ITIH2: variants seen among roughly 807,000 people sequenced by gnomAD.
The protein encoded by ITIH2 is inter-alpha-trypsin inhibitor heavy chain H2.
A neutral mutation model predicts 104.4 loss-of-function variants in ITIH2; 103 were observed. That is an observed-to-expected ratio of 0.99 (90% CI 0.84 to 1.16). The LOEUF is 1.16. Among genes scored for constraint, ITIH2 ranks in the 50% most tolerant of loss-of-function variants. The probability of loss-of-function intolerance (pLI) is 0.00; values close to 1 mark genes in which losing one functional copy is unlikely to be tolerated. For synonymous variants in ITIH2, 436 were observed against 435.4 expected, an observed-to-expected ratio of 1.00 and a Z score of -0.02; for missense variants, 1,108 against 1,162.4, an observed-to-expected ratio of 0.95 and a Z score of 0.68.
chr10:7,744,840 A>G lies in ITIH2; in HGVS notation c.2458A>G (p.Lys820Glu). Residue 820 changes from lysine (K) to glutamate (E), a missense_variant, in exon 19 of 21, where the codon AAA becomes GAA. Lys to Glu is a moderately conservative substitution (Grantham distance 56). Transcript: ENST00000358415. ...AAAAGTGGTAACTATCACCCTGGAT[A>G]AAGAGATGTCCTTTTCTGTTTTACT... Reference protein sequence around the residue: ...KEKVVTITLDKEMSFSVLLHR... With the variant: ...KEKVVTITLDEEMSFSVLLHR... 1 of 1,614,112 alleles carries G rather than the reference A, an allele frequency of 6.2e-7. No homozygotes were observed. The highest frequency in any genetic ancestry group is 8.5e-7 in the Non-Finnish European group (1 of 1,179,966).
At chr10:7,719,760 C>CATAAAA (rs1834883703) in intron 6 of ITIH2, among the ~76,000 whole-genome samples, 1 of 41,718 alleles carries the variant, frequency 2.4e-5, no homozygotes, top group Non-Finnish European at 4.1e-5. Context: ...GACCCTGTCT[C>CATAAAA]AAAAAAAAAA....
chr10:7,723,058 A>AGTGGAGTGGAGCAGC (rs747241719), intron 8 of ITIH2, among the ~76,000 whole-genome samples: 2,519 of 143,934 alleles, frequency 0.018, 37 homozygotes, highest in South Asian at 0.025. Flanking sequence ...AGTGGCATGG[A>AGTGGAGTGGAGCAGC]GTGGAGTGGA....
At chr10:7,724,570 C>CAAAAAAAAAA (rs374923183) in intron 9 of ITIH2, among the ~76,000 whole-genome samples, 2,079 of 51,624 alleles carry the variant, frequency 0.04, 375 homozygotes, top group Non-Finnish European at 0.05. Context: ...AACTCCATCT[C>CAAAAAAAAAA]AAAAAAAAAA....
At position 7,729,953 on chromosome 10, in the gene ITIH2, C is replaced by T. The variant is rs769442335; in HGVS notation, c.1281C>T (p.Gly427=). ...ILVSDGDPTV[G]ELKLSKIQKN... ...CCTTTCGGACATCACCAACTTTAGGCGAACTAAAACTGTCAAAAATTCAGA... is the reference window on the plus strand; with the variant it reads ...CCTTTCGGACATCACCAACTTTAGGTGAACTAAAACTGTCAAAAATTCAGA... The change falls in exon 12 of 21, where the codon GGC becomes GGT. Residue 427 remains glycine, a splice_region_variant and synonymous_variant. Coordinates refer to ENST00000358415, the MANE Select transcript of ITIH2 (RefSeq NM_002216.3). The T allele has an allele frequency of 1.5e-5, 23 of 1,584,706 alleles. No homozygotes were observed. The highest frequency in any genetic ancestry group is 1.1e-4 in the East Asian group (5 of 44,324).
rs184674280 is a variant in ITIH2 at position 7,729,639 on chromosome 10, C to A, written c.1280-313C>A. Among the ~76,000 whole-genome samples the A allele has an allele frequency of 1.0e-3, 157 of 152,146 alleles. 1 individual carries two copies. The highest frequency in any genetic ancestry group is 3.6e-3 in the African/African-American group (149 of 41,532). The stretch of plus-strand genomic sequence containing the variant: ...TACATACATAAGGAGTTTCCATGTC[C>A]TTTTTAATAGCTGCATAGTATCTCA... On this transcript the variant is annotated intron_variant, in intron 11 of 20. Transcript: ENST00000358415.
chr10:7,743,641 C>A (rs946277207), intron 17 of ITIH2, among the ~76,000 whole-genome samples: 1 of 151,844 alleles, frequency 6.6e-6, no homozygotes, highest in African/African-American at 2.4e-5. Flanking sequence ...ATTACCCAGG[C>A]GTGGTGGTAC....
At chr10:7,719,115 C>T (rs1300701480) in intron 6 of ITIH2, among the ~76,000 whole-genome samples, 1 of 152,100 alleles carries the variant, frequency 6.6e-6, no homozygotes, top group East Asian at 1.9e-4. Flanking sequence ...GTGAATTGCC[C>T]GGAGACACGG....
Position 7,746,579 on chromosome 10 carries a change from T to C in ITIH2, c.2582-14T>C, listed in dbSNP as rs752131677. On this transcript the variant is annotated splice_polypyrimidine_tract_variant and intron_variant, in intron 19 of 20. Coordinates refer to ENST00000358415, the MANE Select transcript of ITIH2 (RefSeq NM_002216.3). ...TGATTACATGTCAATCAATGTCTGA[T>C]TCTGTTTTGCTAGGCCAGTTCATGC... is the stretch of plus-strand genomic sequence containing the variant. 1 of 1,536,450 alleles carries C rather than the reference T, an allele frequency of 6.5e-7. No individual in the cohort carries two copies. The highest frequency in any genetic ancestry group is 9.0e-7 in the Non-Finnish European group (1 of 1,109,770).
intron 4 of ITIH2, among the ~76,000 whole-genome samples, chr10:7,710,414 AATG>A (rs1374810705): frequency 6.6e-6 from 1 of 152,218 alleles, no homozygotes; most frequent in Non-Finnish European, 1.5e-5. Context: ...AAGTGATTGG[AATG>A]ATTTCTATGT....
At chr10:7,713,956 T>A (rs1277691883) in intron 5 of ITIH2, among the ~76,000 whole-genome samples, 2 of 152,138 alleles carry the variant, frequency 1.3e-5, no homozygotes, top group African/African-American at 4.8e-5. Context: ...CCCAAAGTAC[T>A]GGGATTACGG....
chr10:7,707,311 T>C, intron 3 of ITIH2, 78 bp downstream of exon 3: 3 of 1,031,826 alleles, frequency 2.9e-6, no homozygotes, highest in Non-Finnish European at 4.5e-6. Flanking sequence ...GGGTGTCTCT[T>C]TTTTCTTCAT....
At chr10:7,748,687 G>A (rs543064123) in intron 20 of ITIH2, among the ~76,000 whole-genome samples, 5 of 151,194 alleles carry the variant, frequency 3.3e-5, no homozygotes, top group East Asian at 1.9e-4. Flanking sequence ...GACTACAGGC[G>A]TACACCACCA....
At chr10:7,741,027 C>T (rs983905504) in intron 16 of ITIH2, among the ~76,000 whole-genome samples, 1 of 152,196 alleles carries the variant, frequency 6.6e-6, no homozygotes, top group African/African-American at 2.4e-5. Context: ...TGTTGCCTAT[C>T]AGAAGGTCTG....
At chr10:7,735,676 T>TTC (rs1443045165) in intron 15 of ITIH2, among the ~76,000 whole-genome samples, 6 of 98,602 alleles carry the variant, frequency 6.1e-5, no homozygotes, top group African/African-American at 1.8e-4. Flanking sequence ...TTTCTTTTCT[T>TTC]TTTTTTTTTT....
Position 7,713,134 on chromosome 10 carries a change from A to G in ITIH2, c.363-47A>G, listed in dbSNP as rs757713933. 4 of 1,481,402 alleles carry G rather than the reference A, an allele frequency of 2.7e-6. No homozygotes were observed. In the African/African-American group the frequency reaches 5.6e-5, roughly 21 times the overall value. The allele number at this position is 1,481,402 out of a possible 1,614,324, so 91.8% of individuals were successfully genotyped here. A position where few individuals can be genotyped will look rare whatever the true frequency, so the allele number is the denominator to read the frequency against. Reference sequence around the variant, plus strand: ...GACTCCATCTCGAGGGGAAAAAAAAAAAAGATTACTATTCTGACCAACTGG... The same window carrying G: ...GACTCCATCTCGAGGGGAAAAAAAAGAAAGATTACTATTCTGACCAACTGG... On this transcript the variant is annotated intron_variant, in intron 4 of 20. Transcript: ENST00000358415.
chr10:7,729,312 CA>C (rs112737005), intron 11 of ITIH2, among the ~76,000 whole-genome samples: 22 of 138,124 alleles, frequency 1.6e-4, no homozygotes, highest in Admixed American at 2.2e-4. Context: ...GACTCTGTCT[CA>C]AAAAAAAAAA....
intron 20 of ITIH2, among the ~76,000 whole-genome samples, chr10:7,748,518 A>G (rs867554399): frequency 0.017 from 505 of 28,992 alleles, 3 homozygotes; most frequent in African/African-American, 0.041. Flanking sequence ...CCGCCAATGC[A>G]TTCTTTTTTT....
intron 19 of ITIH2, among the ~76,000 whole-genome samples, chr10:7,745,761 C>A (rs1480818638): frequency 2.0e-4 from 30 of 148,218 alleles, no homozygotes; most frequent in African/African-American, 6.6e-4. Context: ...TTAATTAATT[C>A]ATTAATTTAT....
chr10:7,732,205 T>C, intron 13 of ITIH2, 133 bp from the exon 14 acceptor site: 2 of 1,087,882 alleles, frequency 1.8e-6, no homozygotes, highest in African/African-American at 1.6e-5. Context: ...CAGGAATGCA[T>C]TTCCTTCCTC....
Sources: allele counts gnomAD v4.1 joint callset (sites outside exome capture counted in the v4.1 genomes callset), GRCh38; gene constraint gnomAD v4.1.1; transcripts MANE v1.5; gene names NCBI Gene and HGNC (gene_info 2026-07-23, HGNC 2026-07-21).